PLAUR: variants seen among roughly 807,000 people sequenced by gnomAD.
PLAUR encodes urokinase plasminogen activator surface receptor.
Under a neutral mutation model 33.4 loss-of-function variants are expected in PLAUR, and 22 were observed. The observed-to-expected ratio is 0.66, with a 90% CI of 0.47 to 0.94. The LOEUF is 0.94. PLAUR is among the 40% of genes least tolerant of loss of function. The pLI, the probability that PLAUR is intolerant of heterozygous loss-of-function variation, is 0.00. For synonymous variants in PLAUR, 148 were observed against 167.3 expected (o/e 0.88, Z 0.89); for missense variants, 408 against 434.7 (o/e 0.94, Z 0.55).
chr19:43,647,315 T>C (rs1245973647), downstream of PLAUR, among the ~76,000 whole-genome samples: 1 of 152,204 alleles, frequency 6.6e-6, no homozygotes, highest in Non-Finnish European at 1.5e-5. Flanking sequence ...TGCACTCCTG[T>C]CCTTATTCCT....
At chr19:43,667,511 G>T in intron 2 of PLAUR, 70 bp downstream of exon 2, 3 of 1,044,228 alleles carry the variant, frequency 2.9e-6, no homozygotes, top group Non-Finnish European at 4.5e-6. Context: ...AGTTACTGGT[G>T]AGGAAGGTTT....
chr19:43,659,692 C>T (rs767863773), intron 3 of PLAUR, among the ~76,000 whole-genome samples: 8 of 152,190 alleles, frequency 5.3e-5, no homozygotes, highest in Admixed American at 1.3e-4. Context: ...TTGAAGTCCA[C>T]GCGTCCAAGG....
intron 6 of PLAUR, among the ~76,000 whole-genome samples, chr19:43,651,422 T>C (rs545217569): frequency 4.6e-5 from 7 of 151,516 alleles, no homozygotes; most frequent in Non-Finnish European, 8.8e-5. Context: ...AAATCACTGA[T>C]ATAAACAATA....
chr19:43,666,487 T>C (rs1600144072), intron 2 of PLAUR, among the ~76,000 whole-genome samples: 2 of 143,392 alleles, frequency 1.4e-5, no homozygotes, highest in Admixed American at 7.0e-5. Flanking sequence ...CCTTCCTCCC[T>C]CCTCCCTCCC....
chr19:43,665,521 T>A, intron 2 of PLAUR, 62 bp from the exon 3 acceptor site: 1 of 1,568,730 alleles, frequency 6.4e-7, no homozygotes, highest in Non-Finnish European at 8.7e-7. Context: ...CCTCTGACAC[T>A]CCTGGTCTCA....
chr19:43,667,588 C>T lies in PLAUR; in HGVS notation c.159G>A (p.Leu53=). 1 of 1,612,512 alleles carries T rather than the reference C, an allele frequency of 6.2e-7. No homozygotes were observed. The highest frequency in any genetic ancestry group is 8.5e-7 in the Non-Finnish European group (1 of 1,178,666). Residue 53 remains leucine (L), a synonymous_variant, in exon 2 of 7, where the codon TTG becomes TTA. Coordinates refer to ENST00000340093, the MANE Select transcript of PLAUR (RefSeq NM_002659.4). ...QDLCRTTIVR[L]WEEGEELELV... is the part of the protein sequence containing the mutation. ...GGTTGGGGGGAAGCTCACCTTCCCA[C>T]AAGCGCACGATCGTGGTCCTGCAGA...
intron 1 of PLAUR, 103 bp downstream of exon 1, chr19:43,669,963 T>C: frequency 9.6e-7 from 1 of 1,037,228 alleles, no homozygotes; most frequent in Non-Finnish European, 1.5e-6. Context: ...TTAGGGAGGA[T>C]GCTGAGGACT....
rs79455596 is a variant in PLAUR, at chr19:43,669,177, C to T, written c.55+889G>A. Reference sequence around the variant, plus strand: ...TCGACCCAGAGCCCCCCACATTTTCCGGGGAAGTAAGTGAGAGTCGCCTCA... The same window carrying T: ...TCGACCCAGAGCCCCCCACATTTTCTGGGGAAGTAAGTGAGAGTCGCCTCA... On this transcript the variant is annotated intron_variant, in intron 1 of 6. Coordinates refer to ENST00000340093, the MANE Select transcript of PLAUR (RefSeq NM_002659.4). Among the ~76,000 whole-genome samples the T allele has an allele frequency of 7.0e-3, 1,062 of 152,318 alleles. 7 individuals carry two copies. The highest frequency in any genetic ancestry group is 0.025 in the African/African-American group (1,021 of 41,576).
chr19:43,659,443 C>T (rs1366327513), intron 3 of PLAUR, among the ~76,000 whole-genome samples: 1 of 152,062 alleles, frequency 6.6e-6, no homozygotes, highest in Non-Finnish European at 1.5e-5. Context: ...GTGAGTACCG[C>T]ACCTGGCCAG....
At chr19:43,667,434 A>G (rs1967303365) in intron 2 of PLAUR, 147 bp downstream of exon 2, 1 of 634,998 alleles carries the variant, frequency 1.6e-6, no homozygotes, top group Non-Finnish European at 2.8e-6. Context: ...AGATTTTTAA[A>G]TGCTTGCCAA....
intron 5 of PLAUR, among the ~76,000 whole-genome samples, chr19:43,654,315 C>A (rs750546410): frequency 1.3e-5 from 2 of 151,590 alleles, no homozygotes; most frequent in African/African-American, 4.8e-5. Context: ...ACCCCAAAAA[C>A]GAATCTAAAC....
intron 3 of PLAUR, among the ~76,000 whole-genome samples, chr19:43,659,299 A>G (rs1397820021): frequency 2.0e-5 from 3 of 150,564 alleles, no homozygotes; most frequent in African/African-American, 7.3e-5. Flanking sequence ...GACTACAGGC[A>G]TGTGCCAGTT....
At position 43,652,210 on chromosome 19, in the gene PLAUR, C is replaced by G; in HGVS notation, c.754+15G>C. ...CCCAATAAGTGTTCCCTCCCAGCCT[C>G]GGAGAGGGCCTCACCGTGAGTGCCG... On this transcript the variant is annotated intron_variant, in intron 6 of 6. Transcript: ENST00000340093. 1 of 1,613,664 alleles carries G rather than the reference C, an allele frequency of 6.2e-7. No homozygotes were observed.
chr19:43,662,339 T>C (rs1169693990), intron 3 of PLAUR, among the ~76,000 whole-genome samples: 1 of 151,762 alleles, frequency 6.6e-6, no homozygotes, highest in Non-Finnish European at 1.5e-5. Flanking sequence ...CTACTAAAAA[T>C]TCAAAAAAAT....
chr19:43,666,817 C>G (rs1399736271), intron 2 of PLAUR, among the ~76,000 whole-genome samples: 2 of 151,854 alleles, frequency 1.3e-5, no homozygotes, highest in Admixed American at 6.6e-5. Context: ...AATCCACCTG[C>G]CTCAGCCTCC....
chr19:43,648,186 T>A (rs1304219393), downstream of PLAUR, among the ~76,000 whole-genome samples: 3 of 151,814 alleles, frequency 2.0e-5, no homozygotes, highest in South Asian at 2.1e-4. Context: ...TTTAGCTGAT[T>A]TTTTTTTGAG....
At chr19:43,653,330 G>C (rs1172557495) in intron 5 of PLAUR, among the ~76,000 whole-genome samples, 1 of 152,202 alleles carries the variant, frequency 6.6e-6, no homozygotes, top group African/African-American at 2.4e-5. Context: ...CAGGGATCTA[G>C]ATTACACTGG....
In PLAUR at chr19:43,648,633, T is replaced by A; in HGVS notation, c.*257A>T. On this transcript the variant is annotated 3_prime_UTR_variant, in exon 7 of 7. Transcript: ENST00000340093. Reference sequence around the variant, plus strand: ...TAAAATAAATAATATGAATATTAATTAATAACAACAACACAACAGCGGCAA... The same window carrying A: ...TAAAATAAATAATATGAATATTAATAAATAACAACAACACAACAGCGGCAA... 2 of 822,086 alleles carry A rather than the reference T, an allele frequency of 2.4e-6. No homozygotes were observed. Among genetic ancestry groups the A allele is most frequent in the Non-Finnish European group, 1.6e-6 (1 of 617,464 alleles). The allele number at this position is 822,086 out of a possible 1,614,324, so 50.9% of individuals were successfully genotyped here.
chr19:43,651,443 T>G (rs975299597), intron 6 of PLAUR, among the ~76,000 whole-genome samples: 8 of 151,720 alleles, frequency 5.3e-5, no homozygotes, highest in Non-Finnish European at 1.0e-4. Context: ...AAGAGTTTTT[T>G]TTTTTTTTTG....
Sources: gnomAD v4.1 joint callset for allele counts (sites outside exome capture counted in the v4.1 genomes callset) on GRCh38, gnomAD v4.1.1 for gene constraint, MANE v1.5 for transcripts, NCBI Gene and HGNC (gene_info 2026-07-23, HGNC 2026-07-21) for gene names.